Variants in CTNNA3 observed in about 807,000 individuals in gnomAD.
CTNNA3 encodes catenin alpha-3.
CTNNA3 carries 76 observed loss-of-function variants against 95.7 expected under a neutral mutation model. The ratio of observed to expected loss-of-function variants is 0.79; its 90% CI spans 0.66 to 0.96. CTNNA3 has a LOEUF of 0.96. Ranked by LOEUF, CTNNA3 falls within the 40% of genes least tolerant of loss-of-function variation. The pLI is 0.00. For missense variants in CTNNA3, 1,191 were observed against 1,089.8 expected (o/e 1.09, Z -1.31); for synonymous variants, 431 against 374.4 (o/e 1.15, Z -1.74).
intron 9 of CTNNA3, among the ~76,000 whole-genome samples, chr10:66,757,367 A>G (rs2132751277): frequency 6.6e-6 from 1 of 152,286 alleles, no homozygotes; most frequent in East Asian, 1.9e-4. Context: ...TAGCCTATTG[A>G]GGATTAAGTA....
intron 10 of CTNNA3, among the ~76,000 whole-genome samples, chr10:66,600,857 T>C (rs764007600): frequency 6.6e-6 from 1 of 151,944 alleles, no homozygotes; most frequent in Non-Finnish European, 1.5e-5. Flanking sequence ...ATTTTCTTTA[T>C]CACGTCTTTT....
intron 11 of CTNNA3, among the ~76,000 whole-genome samples, chr10:66,406,918 T>C (rs1313564641): frequency 1.3e-5 from 2 of 152,198 alleles, no homozygotes; most frequent in Non-Finnish European, 2.9e-5. Context: ...CATTTCGATA[T>C]GTTTTGATTT....
At chr10:67,665,737 G>A (rs1840317591) in intron 1 of CTNNA3, 1 of 152,160 alleles carries the variant, frequency 6.6e-6, no homozygotes, top group African/African-American at 2.4e-5. Flanking sequence ...AAGAAGGGGG[G>A]ATGGGTGCTC....
At chr10:67,567,078 G>C (rs1353408749) in intron 3 of CTNNA3, among the ~76,000 whole-genome samples, 2 of 149,598 alleles carry the variant, frequency 1.3e-5, no homozygotes, top group Non-Finnish European at 3.0e-5. Flanking sequence ...GCTAAATGAC[G>C]AGTTAATGGG....
chr10:67,500,224 C>T (rs927638256), intron 5 of CTNNA3, among the ~76,000 whole-genome samples: 2 of 152,186 alleles, frequency 1.3e-5, no homozygotes, highest in Admixed American at 6.5e-5. Context: ...TTTTCAGTTT[C>T]CTCGTAGTTG....
chr10:66,437,065 T>C (rs1245654493), intron 11 of CTNNA3, among the ~76,000 whole-genome samples: 1 of 152,150 alleles, frequency 6.6e-6, no homozygotes, highest in Non-Finnish European at 1.5e-5. Context: ...CCCCTGTTAG[T>C]CTGATGTGCT....
chr10:66,641,420 C>T (rs2132379951), intron 9 of CTNNA3, among the ~76,000 whole-genome samples: 1 of 152,206 alleles, frequency 6.6e-6, no homozygotes, highest in East Asian at 1.9e-4. Flanking sequence ...TCCATTGAAT[C>T]TGGGTAAGGG....
intron 12 of CTNNA3, among the ~76,000 whole-genome samples, chr10:66,298,015 T>C (rs1255165887): frequency 6.6e-6 from 1 of 152,200 alleles, no homozygotes; most frequent in Non-Finnish European, 1.5e-5. Flanking sequence ...ACTCCATAAT[T>C]TGTAATAAAC....
At chr10:65,990,063 ATT>A (rs1589222402) in intron 15 of CTNNA3, among the ~76,000 whole-genome samples, 1 of 496 alleles carries the variant, frequency 2.0e-3, no homozygotes, top group East Asian at 0.045. Context: ...GCTGTGTTTC[ATT>A]TTGTGTGTAG....
chr10:65,989,330 A>G (rs944247300), intron 15 of CTNNA3, among the ~76,000 whole-genome samples: 1 of 152,166 alleles, frequency 6.6e-6, no homozygotes, highest in Admixed American at 6.5e-5. Context: ...TATTGTGTTA[A>G]GTCAAGAAAT....
At chr10:66,317,416 G>A in intron 12 of CTNNA3, among the ~76,000 whole-genome samples, 1 of 152,052 alleles carries the variant, frequency 6.6e-6, no homozygotes, top group Non-Finnish European at 1.5e-5. Flanking sequence ...GCTCACACCT[G>A]TAATCCCAGC....
intron 5 of CTNNA3, among the ~76,000 whole-genome samples, chr10:67,271,328 T>C (rs748323945): frequency 1.3e-5 from 2 of 152,110 alleles, no homozygotes; most frequent in Non-Finnish European, 2.9e-5. Context: ...TGATAGTGAG[T>C]TCGTTCTCAG....
intron 5 of CTNNA3, among the ~76,000 whole-genome samples, chr10:67,485,065 C>A (rs955223730): frequency 6.6e-6 from 1 of 152,292 alleles, no homozygotes; most frequent in South Asian, 2.1e-4. Flanking sequence ...ATGGAATCAA[C>A]ATAGATGCCC....
At chr10:66,936,432 T>G (rs1847698385) in intron 7 of CTNNA3, among the ~76,000 whole-genome samples, 1 of 152,196 alleles carries the variant, frequency 6.6e-6, no homozygotes, top group Non-Finnish European at 1.5e-5. Flanking sequence ...TTCCTTCTAT[T>G]TTCCTATTTC....
At chr10:67,746,784 C>A (rs1393517805) in intron 1 of CTNNA3, among the ~76,000 whole-genome samples, 1 of 152,224 alleles carries the variant, frequency 6.6e-6, no homozygotes. Context: ...CATTCAGCTG[C>A]AGTCTGCCTA....
intron 1 of CTNNA3, among the ~76,000 whole-genome samples, chr10:67,676,985 A>G (rs944757815): frequency 6.6e-6 from 1 of 151,874 alleles, no homozygotes; most frequent in African/African-American, 2.4e-5. Context: ...AATTTGATGC[A>G]GGGGTCAGAA....
At chr10:66,305,535 C>T (rs930704294) in intron 12 of CTNNA3, among the ~76,000 whole-genome samples, 6 of 152,128 alleles carry the variant, frequency 3.9e-5, no homozygotes, top group African/African-American at 1.4e-4. Flanking sequence ...ATAATTAGCA[C>T]AAGGAGTCAA....
chr10:67,305,356 G>C (rs936039020), intron 5 of CTNNA3, among the ~76,000 whole-genome samples: 1 of 110,302 alleles, frequency 9.1e-6, no homozygotes, highest in Non-Finnish European at 1.8e-5. Context: ...CTAAAACTTA[G>C]AGTATAATAA....
At chr10:66,506,920 A>G (rs1840468424) in intron 11 of CTNNA3, among the ~76,000 whole-genome samples, 2 of 152,166 alleles carry the variant, frequency 1.3e-5, no homozygotes, top group Non-Finnish European at 2.9e-5. Flanking sequence ...TAATATTTGC[A>G]TAGATACATA....
Sources: allele counts gnomAD v4.1 joint callset (sites outside exome capture counted in the v4.1 genomes callset), GRCh38; gene constraint gnomAD v4.1.1; transcripts MANE v1.5; gene names NCBI Gene and HGNC (gene_info 2026-07-23, HGNC 2026-07-21).